TANC1: variants seen among roughly 807,000 people sequenced by gnomAD.
The protein encoded by TANC1 is tetratricopeptide repeat, ankyrin repeat and coiled-coil containing 1.
Under a neutral mutation model 149.7 loss-of-function variants are expected in TANC1, and 77 were observed. That is an observed-to-expected ratio of 0.51 (90% CI 0.43 to 0.62). TANC1 has a LOEUF of 0.62. TANC1 is among the 20% of genes least tolerant of loss of function. TANC1 has a pLI of 0.00. For missense variants in TANC1, 1,985 were observed against 2,321.8 expected (o/e 0.85, Z 2.98); for synonymous variants, 854 against 925.0 (o/e 0.92, Z 1.39).
intron 16 of TANC1, among the ~76,000 whole-genome samples, chr2:159,191,429 C>T (rs1368155707): frequency 6.6e-6 from 1 of 152,072 alleles, no homozygotes; most frequent in African/African-American, 2.4e-5. Flanking sequence ...CAGAGCCCTG[C>T]AGGAAGTGAT....
intron 2 of TANC1, chr2:159,004,230 G>T: frequency 6.2e-7 from 1 of 1,612,422 alleles, no homozygotes; most frequent in African/African-American, 1.3e-5. Context: ...GGACAGTAAA[G>T]CACCAAAACC....
intron 19 of TANC1, 98 bp from the exon 20 acceptor site, chr2:159,217,399 C>T (rs2059416287): frequency 1.3e-6 from 2 of 1,485,596 alleles, no homozygotes; most frequent in Non-Finnish European, 1.9e-6. Flanking sequence ...GACATATAGA[C>T]CCCATCTCCC....
rs148805817 is a variant in TANC1 at position 159,067,629 on chromosome 2, G to A, written c.61+1658G>A. Among the ~76,000 whole-genome samples the A allele has an allele frequency of 2.1e-3, 313 of 152,200 alleles. 2 individuals are homozygous for A. Among genetic ancestry groups the A allele is most frequent in the African/African-American group, 6.9e-3 (287 of 41,532 alleles). On this transcript the variant is annotated intron_variant, in intron 3 of 26. Transcript: ENST00000263635. ...TTTTGGCTCATCTGTCACCAATCAT[G>A]GGAACTTTATTTGCTTCTTTAGAAG...
rs768630763 is a variant in TANC1, at chr2:159,097,775, C to T, written c.200C>T (p.Ser67Leu). Reference sequence around the variant, plus strand: ...GGTGTCTCGATGTCTCTGCCTTCCTCACCTTTGCTGCCTCGACAGTCTCAC... The same window carrying T: ...GGTGTCTCGATGTCTCTGCCTTCCTTACCTTTGCTGCCTCGACAGTCTCAC... The part of the protein sequence containing the change: ...AKGVSMSLPS[S>L]PLLPRQSHLV... The change falls in exon 4 of 27, where the codon TCA (serine) becomes TTA (leucine). Residue 67 changes from serine to leucine, a missense_variant. Ser to Leu is a moderately radical substitution (Grantham distance 145). Around this residue, in one of 3 missense-constraint regions of TANC1, gnomAD observed 557 missense variants for 612.9 expected, o/e 0.91. Transcript: ENST00000263635. 2 of 1,614,060 alleles carry T rather than the reference C, an allele frequency of 1.2e-6. No individual in the cohort carries two copies. Among genetic ancestry groups the T allele is most frequent in the Non-Finnish European group, 1.7e-6 (2 of 1,180,020 alleles).
At chr2:159,144,143 C>T (rs2051780202) in intron 5 of TANC1, among the ~76,000 whole-genome samples, 1 of 151,828 alleles carries the variant, frequency 6.6e-6, no homozygotes, top group Non-Finnish European at 1.5e-5. Context: ...TGATAGTCCT[C>T]TAGACTTAAG....
intron 6 of TANC1, 26 bp from the exon 7 acceptor site, chr2:159,150,344 A>G (rs367857919): frequency 1.9e-6 from 3 of 1,592,882 alleles, no homozygotes; most frequent in Non-Finnish European, 2.6e-6. Context: ...AAGCCGTGCT[A>G]ACTCCTCCTT....
intron 3 of TANC1, among the ~76,000 whole-genome samples, chr2:159,073,264 A>C (rs758353089): frequency 6.6e-6 from 1 of 152,164 alleles, no homozygotes; most frequent in Non-Finnish European, 1.5e-5. Context: ...AGGATGAAAG[A>C]GTTAGGGGAA....
At chr2:159,024,537 G>T (rs1279650357) in intron 2 of TANC1, among the ~76,000 whole-genome samples, 1 of 152,106 alleles carries the variant, frequency 6.6e-6, no homozygotes, top group Non-Finnish European at 1.5e-5. Context: ...GATCACTTGA[G>T]ATCAGGAGTT....
chr2:158,981,372 T>A (rs1414372326), intron 1 of TANC1, among the ~76,000 whole-genome samples: 1 of 150,872 alleles, frequency 6.6e-6, no homozygotes, highest in Admixed American at 6.6e-5. Context: ...GGCGGGAGGA[T>A]TGCTTGAGCC....
At chr2:159,068,670 G>A (rs1380425053) in intron 3 of TANC1, among the ~76,000 whole-genome samples, 1 of 152,120 alleles carries the variant, frequency 6.6e-6, no homozygotes, top group African/African-American at 2.4e-5. Context: ...AACTTTAGCA[G>A]GTATTGAATT....
intron 4 of TANC1, among the ~76,000 whole-genome samples, chr2:159,117,329 T>C (rs1049253446): frequency 6.6e-6 from 1 of 152,214 alleles, no homozygotes; most frequent in African/African-American, 2.4e-5. Context: ...CTTATTAACA[T>C]AGGACATTAG....
intron 16 of TANC1, among the ~76,000 whole-genome samples, chr2:159,193,182 G>A (rs1392420196): frequency 6.6e-6 from 1 of 152,134 alleles, no homozygotes; most frequent in Non-Finnish European, 1.5e-5. Context: ...CTGTGAATTT[G>A]ATTACTGTAT....
Position 159,170,783 on chromosome 2 carries a change from C to T in TANC1, c.1329C>T (p.Asn443=). 6.2e-7 allele frequency: 1 copy of T among 1,614,086 alleles called. No homozygotes were observed. The highest frequency in any genetic ancestry group is 1.1e-5 in the South Asian group (1 of 91,072). ...GCCGCATGAGGCAGATTGCTTCCAA[C>T]AGCCCGGGTTCATCACCTAAAAGTA... is the stretch of plus-strand genomic sequence containing the variant. ...HGSRMRQIAS[N]SPGSSPKTSD... Residue 443 remains asparagine (N), a synonymous_variant, in exon 10 of 27, where the codon AAC becomes AAT. Coordinates refer to ENST00000263635, the MANE Select transcript of TANC1 (RefSeq NM_033394.3).
rs536550548 is a variant in TANC1 at position 159,203,216 on chromosome 2, T to C, written c.3244+4163T>C. 1.2e-4 allele frequency among the ~76,000 whole-genome samples: 18 copies of C among 149,388 alleles called. 1 individual carries two copies. The South Asian group carries it at 3.0e-3, about 25-fold the overall frequency. ...TCGATAGGCTTTTCTTTTCTTTTTT[T>C]TTTTTTTTTGAGATGGAGTCTCACT... On this transcript the variant is annotated intron_variant, in intron 19 of 26. Coordinates refer to ENST00000263635, the MANE Select transcript of TANC1 (RefSeq NM_033394.3).
chr2:159,188,320 T>C (rs1248503594), intron 16 of TANC1, among the ~76,000 whole-genome samples: 1 of 152,258 alleles, frequency 6.6e-6, no homozygotes, highest in Admixed American at 6.5e-5. Context: ...TTTGCCACTT[T>C]GGTAAATTAA....
At chr2:159,138,211 C>T (rs1242337023) in intron 5 of TANC1, among the ~76,000 whole-genome samples, 2 of 152,030 alleles carry the variant, frequency 1.3e-5, no homozygotes, top group Admixed American at 1.3e-4. Context: ...AAATACAGGA[C>T]CAGACATTTC....
intron 17 of TANC1, among the ~76,000 whole-genome samples, chr2:159,195,748 G>A (rs952497801): frequency 2.0e-5 from 3 of 152,176 alleles, no homozygotes; most frequent in Non-Finnish European, 2.9e-5. Flanking sequence ...GATGGCAGCT[G>A]GGCTTTACAC....
intron 14 of TANC1, among the ~76,000 whole-genome samples, chr2:159,183,784 T>C (rs978813963): frequency 6.6e-6 from 1 of 152,028 alleles, no homozygotes; most frequent in African/African-American, 2.4e-5. Flanking sequence ...AAGGAGAAAT[T>C]GGGAATGTAA....
At chr2:159,208,817 A>G (rs2058797445) in intron 19 of TANC1, among the ~76,000 whole-genome samples, 1 of 152,226 alleles carries the variant, frequency 6.6e-6, no homozygotes, top group African/African-American at 2.4e-5. Flanking sequence ...ATGCATCCTT[A>G]GGCGATTTGG....
Sources: allele counts gnomAD v4.1 joint callset (sites outside exome capture counted in the v4.1 genomes callset), GRCh38; gene constraint gnomAD v4.1.1; regional missense constraint gnomAD v4.1.1; transcripts MANE v1.5; gene names NCBI Gene and HGNC (gene_info 2026-07-23, HGNC 2026-07-21).